The following INTS3 variants were observed in gnomAD, a reference collection of about 807,000 sequenced individuals.
INTS3 encodes the protein integrator complex subunit 3, also known as SOSS complex subunit A.
Under a neutral mutation model 146.3 loss-of-function variants are expected in INTS3, and 34 were observed. The ratio of observed to expected loss-of-function variants is 0.23; its 90% CI spans 0.18 to 0.31. The LOEUF is 0.31. Ranked by LOEUF, INTS3 falls within the 10% of genes least tolerant of loss-of-function variation. The pLI, the probability that INTS3 is intolerant of heterozygous loss-of-function variation, is 1.00. For missense variants in INTS3, 757 were observed against 1,304.2 expected, an observed-to-expected ratio of 0.58 and a Z score of 6.46; for synonymous variants, 475 against 494.9, an observed-to-expected ratio of 0.96 and a Z score of 0.53.
chr1:153,730,689 G>A (rs1671028899), intron 1 of INTS3, among the ~76,000 whole-genome samples: 1 of 152,162 alleles, frequency 6.6e-6, no homozygotes, highest in Non-Finnish European at 1.5e-5. Flanking sequence ...TTTATACTGA[G>A]AGTGAACTTC....
At chr1:153,731,734 T>C (rs1671069384) in intron 1 of INTS3, among the ~76,000 whole-genome samples, 1 of 138,352 alleles carries the variant, frequency 7.2e-6, no homozygotes, top group South Asian at 2.4e-4. Context: ...TACAGGCGCC[T>C]GCCACCACGC....
intron 1 of INTS3, among the ~76,000 whole-genome samples, chr1:153,737,613 C>T (rs2101782451): frequency 6.6e-6 from 1 of 152,320 alleles, no homozygotes; most frequent in South Asian, 2.1e-4. Context: ...ATTCCTCTGC[C>T]TCAGCCTTCC....
chr1:153,760,147 G>C (rs1329257693), intron 11 of INTS3, 164 bp from the exon 12 acceptor site: 1 of 596,786 alleles, frequency 1.7e-6, no homozygotes, highest in Non-Finnish European at 2.9e-6. Flanking sequence ...CATGAGATTC[G>C]CTTGAACCTG....
At chr1:153,749,101 C>T (rs754773026) in intron 6 of INTS3, among the ~76,000 whole-genome samples, 34 of 152,272 alleles carry the variant, frequency 2.2e-4, no homozygotes, top group Non-Finnish European at 4.6e-4. Context: ...ACACCCACGC[C>T]TGGCAGGTAT....
At chr1:153,770,055 T>TG (rs370313990) in intron 23 of INTS3, 143 bp from the exon 24 acceptor site, 7,292 of 510,624 alleles carry the variant, frequency 0.014, 824 homozygotes, top group Non-Finnish European at 0.015. Context: ...GTCAGTGGAT[T>TG]GGGGTGTGTG....
intron 1 of INTS3, among the ~76,000 whole-genome samples, chr1:153,738,671 A>G (rs960887199): frequency 7.2e-5 from 11 of 152,190 alleles, no homozygotes; most frequent in Middle Eastern, 3.2e-3. Context: ...TTTTGAATCT[A>G]TGTAATTATC....
rs74360442 is a variant in INTS3, at chr1:153,769,350, G to A, written c.2313+389G>A. 6.8e-4 allele frequency among the ~76,000 whole-genome samples: 104 copies of A among 152,150 alleles called. No homozygotes were observed. In the East Asian group the frequency reaches 0.014, roughly 21 times the overall value. On this transcript the variant is annotated intron_variant, in intron 22 of 29. Transcript: ENST00000318967. ...TCCCCAAGAGGCTGTAGCTTTGCTC[G>A]GGTCCTTCTGAGGCCTGCACTGGGA... is the stretch of plus-strand genomic sequence containing the variant.
In INTS3 at chr1:153,764,160, C is replaced by T; in HGVS notation, c.1864C>T (p.Leu622=). 2.5e-6 allele frequency: 4 copies of T among 1,614,032 alleles called. No individual in the cohort carries two copies. Among genetic ancestry groups the T allele is most frequent in the South Asian group, 2.2e-5 (2 of 91,084 alleles). ...SEQLSVLASC[L]QELFKAHFRG... ...GCAGCTGTCTGTCCTTGCTTCCTGC[C>T]TACAGGAGCTCTTCAAGGCCCACTT... Residue 622 remains leucine (L), a synonymous_variant, in exon 18 of 30, where the codon CTA becomes TTA. Transcript: ENST00000318967.
chr1:153,762,360 C>T (rs1051897486), intron 14 of INTS3, among the ~76,000 whole-genome samples: 4 of 152,216 alleles, frequency 2.6e-5, no homozygotes, highest in African/African-American at 9.6e-5. Flanking sequence ...ATGAGAATTA[C>T]GTGAACCTGG....
In INTS3 at chr1:153,760,849, C is replaced by A. The variant is rs1434398066; in HGVS notation, c.1340C>A (p.Pro447Gln). Residue 447 changes from proline (P) to glutamine (Q), a missense_variant, in exon 13 of 30, where the codon CCA (proline) becomes CAA (glutamine). Physicochemically the swap from Pro to Gln is moderately conservative, Grantham distance 76. Coordinates refer to ENST00000318967, the MANE Select transcript of INTS3 (RefSeq NM_023015.5). ...CAGATCATTCCCAACTTCTATCCAC[C>A]ATTGGAGGGCCACGTGCGGCAGGGT... ...MCRIIPNFYPPLEGHVRQGVF... is the reference protein window; with the variant it reads ...MCRIIPNFYPQLEGHVRQGVF... 1.9e-6 allele frequency: 3 copies of A among 1,614,060 alleles called. No homozygotes were observed. Among genetic ancestry groups the A allele is most frequent in the Non-Finnish European group, 2.5e-6 (3 of 1,179,900 alleles).
chr1:153,755,594 C>A (rs887174610), intron 9 of INTS3, among the ~76,000 whole-genome samples: 10 of 152,182 alleles, frequency 6.6e-5, no homozygotes, highest in African/African-American at 1.7e-4. Flanking sequence ...CAGGCCATTC[C>A]TCTGCGGCCA....
rs201327127 is a variant in INTS3 at position 153,764,653 on chromosome 1, C to A, written c.1926-37C>A. 5 of 1,528,636 alleles carry A rather than the reference C, an allele frequency of 3.3e-6. No homozygotes were observed. The East Asian group carries it at 6.7e-5, about 21-fold the overall frequency. 94.7% of individuals were successfully genotyped at this position (1,528,636 alleles called of 1,614,324 possible). On this transcript the variant is annotated intron_variant, in intron 18 of 29. Transcript: ENST00000318967. ...TCCTCCGTATGTGCCAGCAGCCCCC[C>A]TCACATGGATTCTCAAATATAACCC...
At position 153,733,197 on chromosome 1, in the gene INTS3, C is replaced by CTTTT. The variant is rs60492889; in HGVS notation, c.150+4442_150+4445dup. On this transcript the variant is annotated intron_variant, in intron 1 of 29. Transcript: ENST00000318967. ...CATAGGGAGCAGTATTTACCGAATG[C>CTTTT]TTTTTTTTTTTTTTTTTTTTTTTTT... Among the ~76,000 whole-genome samples, 3 of 42,758 alleles carry CTTTT rather than the reference C, an allele frequency of 7.0e-5. 1 individual carries two copies. The highest frequency in any genetic ancestry group is 1.2e-4 in the Non-Finnish European group (3 of 24,168). 28.1% of individuals were successfully genotyped at this position (42,758 alleles called of 152,430 possible). A position where few individuals can be genotyped will look rare whatever the true frequency, so the allele number is the denominator to read the frequency against.
In INTS3 at chr1:153,754,662, T is replaced by G. The variant is rs759245591; in HGVS notation, c.880T>G (p.Ser294Ala). ...QFTGILQLLQSRTSRKFLACR... is the reference protein window; with the variant it reads ...QFTGILQLLQARTSRKFLACR... ...TTCAGGTATCCTACAGCTTCTTCAG[T>G]CAAGAACATCCCGAAAATTCCTAGC... Residue 294 changes from serine (S) to alanine (A), a missense_variant, in exon 9 of 30, where the codon TCA becomes GCA. Ser to Ala is a moderately conservative substitution (Grantham distance 99). Coordinates refer to ENST00000318967, the MANE Select transcript of INTS3 (RefSeq NM_023015.5). 15 of 1,612,190 alleles carry G rather than the reference T, an allele frequency of 9.3e-6. No homozygotes were observed. The highest frequency in any genetic ancestry group is 1.2e-5 in the Non-Finnish European group (14 of 1,178,318).
chr1:153,764,262 G>C (rs1040709492), intron 18 of INTS3, 41 bp downstream of exon 18: 4 of 1,409,412 alleles, frequency 2.8e-6, no homozygotes, highest in East Asian at 4.6e-5. Context: ...TCAGGAGCCA[G>C]AGGGTGCTCT....
At chr1:153,744,001 C>A (rs141050402) in intron 3 of INTS3, among the ~76,000 whole-genome samples, 2 of 151,530 alleles carry the variant, frequency 1.3e-5, no homozygotes, top group Non-Finnish European at 2.9e-5. Flanking sequence ...CTTTGAGACT[C>A]TCCACTTCTC....
At chr1:153,730,862 T>A (rs1409587793) in intron 1 of INTS3, among the ~76,000 whole-genome samples, 1 of 152,208 alleles carries the variant, frequency 6.6e-6, no homozygotes, top group Non-Finnish European at 1.5e-5. Flanking sequence ...TCCCAATGTG[T>A]GTGGTTCGGT....
At chr1:153,748,603 G>A in intron 5 of INTS3, 86 bp from the exon 6 acceptor site, 2 of 1,071,050 alleles carry the variant, frequency 1.9e-6, no homozygotes, top group South Asian at 1.3e-5. Flanking sequence ...GGCAGTCAGG[G>A]TGGACCAGCA....
chr1:153,760,414 T>TC, intron 12 of INTS3, 24 bp downstream of exon 12: 1 of 1,587,988 alleles, frequency 6.3e-7, no homozygotes, highest in Admixed American at 1.7e-5. Context: ...CTCTCTTTTC[T>TC]CCCCATGCCT....
Sources: gnomAD v4.1 joint callset for allele counts (sites outside exome capture counted in the v4.1 genomes callset) on GRCh38, gnomAD v4.1.1 for gene constraint, MANE v1.5 for transcripts, NCBI Gene and HGNC (gene_info 2026-07-23, HGNC 2026-07-21) for gene names.